WDR35: variants seen among roughly 807,000 people sequenced by gnomAD.
WDR35 encodes the protein WD repeat domain 35, also known as WD repeat-containing protein 35.
In WDR35, 118 loss-of-function variants were observed where a neutral mutation model predicts 158.3. The ratio of observed to expected loss-of-function variants is 0.75; its 90% CI spans 0.64 to 0.87. WDR35 has a LOEUF of 0.87. Ranked by LOEUF, WDR35 falls within the 40% of genes least tolerant of loss-of-function variation. The probability of loss-of-function intolerance (pLI) is 0.00; values close to 1 mark genes in which losing one functional copy is unlikely to be tolerated. For missense variants in WDR35, 1,263 were observed against 1,405.8 expected (o/e 0.90, Z 1.62); for synonymous variants, 448 against 476.1 (o/e 0.94, Z 0.77).
At position 19,934,751 on chromosome 2, in the gene WDR35, T is replaced by C. The variant is rs1670639453; in HGVS notation, c.2547+720A>G. On this transcript the variant is annotated intron_variant, in intron 21 of 26. Coordinates refer to ENST00000281405, the MANE Select transcript of WDR35 (RefSeq NM_020779.4). The surrounding 1 kb of genome is among the most constrained non-coding windows in gnomAD (Gnocchi z 4.6). ...CCATAGGATTGAAAATAAGGGTGAG[T>C]GAAAATACCATTATTACAGAGATAG... 6.6e-6 allele frequency among the ~76,000 whole-genome samples: 1 copy of C among 151,996 alleles called. No individual in the cohort carries two copies. The highest frequency in any genetic ancestry group is 6.6e-5 in the Admixed American group (1 of 15,254).
intron 7 of WDR35, among the ~76,000 whole-genome samples, chr2:19,974,030 C>G (rs1258393229): frequency 6.6e-6 from 1 of 151,724 alleles, no homozygotes. Context: ...CCTGGGAGGC[C>G]AAGGCTGCAG....
At chr2:19,932,611 T>A (rs1354244094) in intron 22 of WDR35, among the ~76,000 whole-genome samples, 164 bp from the exon 23 acceptor site, 1 of 152,198 alleles carries the variant, frequency 6.6e-6, no homozygotes, top group East Asian at 1.9e-4. Context: ...ATAAGTCCTA[T>A]AAGCATAAGT....
In WDR35 at chr2:19,914,185, T is replaced by C. The variant is rs1197019698; in HGVS notation, c.3214A>G (p.Thr1072Ala). ...LCACASRAFG[T>A]CSKAFIKLKS... Reference sequence around the variant, plus strand: ...AGTTTAATGAAAGCTTTTGAACAAGTCCCAAAGGCTCTGCTGGCGCATGCG... The same window carrying C: ...AGTTTAATGAAAGCTTTTGAACAAGCCCCAAAGGCTCTGCTGGCGCATGCG... Residue 1072 changes from threonine (T) to alanine (A), a missense_variant, in exon 26 of 27, where the codon ACT (threonine) becomes GCT (alanine). Transcript: ENST00000281405. The C allele has an allele frequency of 1.2e-6, 2 of 1,614,074 alleles. No individual in the cohort carries two copies. The highest frequency in any genetic ancestry group is 8.5e-7 in the Non-Finnish European group (1 of 1,180,020).
chr2:19,981,666 C>G lies in WDR35; in HGVS notation c.214+797G>C, dbSNP rs1572367979. Among the ~76,000 whole-genome samples the G allele has an allele frequency of 3.3e-5, 5 of 152,100 alleles. No homozygotes were observed. The South Asian group carries it at 1.0e-3, about 32-fold the overall frequency. ...CTGAGTACTGGGGACTACGGGCACA[C>G]AGCACCACGCCTGGTTAATTTTTTT... is the stretch of plus-strand genomic sequence containing the variant. On this transcript the variant is annotated intron_variant, in intron 3 of 26. Coordinates refer to ENST00000281405, the MANE Select transcript of WDR35 (RefSeq NM_020779.4).
At chr2:19,946,604 G>T in intron 14 of WDR35, 34 bp from the exon 15 acceptor site, 2 of 1,560,242 alleles carry the variant, frequency 1.3e-6, no homozygotes, top group Non-Finnish European at 1.8e-6. Flanking sequence ...TTAAGCATAC[G>T]TGTATCATAA....
At chr2:19,965,115 G>T (rs1307924031) in intron 10 of WDR35, among the ~76,000 whole-genome samples, 2 of 152,062 alleles carry the variant, frequency 1.3e-5, no homozygotes. Flanking sequence ...TAGAGACAGG[G>T]TTTCACCATG....
At position 19,930,296 on chromosome 2, in the gene WDR35, A is replaced by C. The variant is rs548305969; in HGVS notation, c.3121+100T>G. 88 of 1,541,888 alleles carry C rather than the reference A, an allele frequency of 5.7e-5. 2 individuals are homozygous for C. In the South Asian group the frequency reaches 9.4e-4, roughly 16 times the overall value. ...TAGGAAAATAAATCCATAGGAAAAA[A>C]TGTTATTGAAGGCCACATAAAGGCA... On this transcript the variant is annotated intron_variant, in intron 25 of 26. Coordinates refer to ENST00000281405, the MANE Select transcript of WDR35 (RefSeq NM_020779.4).
At chr2:19,977,124 C>A (rs987347521) in intron 5 of WDR35, among the ~76,000 whole-genome samples, 2 of 152,120 alleles carry the variant, frequency 1.3e-5, no homozygotes, top group Admixed American at 1.3e-4. Flanking sequence ...AAGCCACTGT[C>A]CCCAGCCTAA....
At chr2:19,923,324 G>A (rs549002227) in intron 25 of WDR35, among the ~76,000 whole-genome samples, 55 of 152,312 alleles carry the variant, frequency 3.6e-4, no homozygotes, top group Admixed American at 3.9e-4. Context: ...GTTGGAGAAC[G>A]TGGAACTAGC....
chr2:19,968,469 C>G (rs1393737383), intron 9 of WDR35, among the ~76,000 whole-genome samples: 1 of 152,158 alleles, frequency 6.6e-6, no homozygotes, highest in Admixed American at 6.5e-5. Context: ...CCATCTATAT[C>G]AGCATCAACT....
At chr2:19,983,630 C>A (rs1487555442) in intron 2 of WDR35, among the ~76,000 whole-genome samples, 1 of 151,920 alleles carries the variant, frequency 6.6e-6, no homozygotes, top group Admixed American at 6.6e-5. Context: ...GGAATTATAC[C>A]AATGCTAAAG....
At chr2:19,987,433 C>G (rs1672604389) in intron 2 of WDR35, among the ~76,000 whole-genome samples, 2 of 152,122 alleles carry the variant, frequency 1.3e-5, no homozygotes, top group Non-Finnish European at 2.9e-5. Flanking sequence ...AAAGAATACT[C>G]CAGTCACAGC....
chr2:19,946,394 A>G (rs1187460936), intron 15 of WDR35, 67 bp downstream of exon 15: 17 of 1,314,776 alleles, frequency 1.3e-5, no homozygotes, highest in African/African-American at 4.4e-5. Context: ...TATTACATAT[A>G]AATCTAACAA....
At position 19,913,568 on chromosome 2, in the gene WDR35, G is replaced by A. The variant is rs1173041141; in HGVS notation, c.3503C>T (p.Pro1168Leu). 6.2e-7 allele frequency: 1 copy of A among 1,613,758 alleles called. No individual in the cohort carries two copies. The highest frequency in any genetic ancestry group is 8.5e-7 in the Non-Finnish European group (1 of 1,179,940). The change falls in exon 27 of 27, where the codon CCA becomes CTA. Residue 1168 changes from proline to leucine, a missense_variant. Physicochemically the swap from Pro to Leu is moderately conservative, Grantham distance 98. Coordinates refer to ENST00000281405, the MANE Select transcript of WDR35 (RefSeq NM_020779.4). ...HYSFCPLCHS[P>L]VG is the part of the protein sequence containing the mutation. The stretch of plus-strand genomic sequence containing the variant: ...CAGTTTATCATTCCTTTATCCCACT[G>A]GACTATGGCATAAGGGGCAGAAGCT...
At position 19,933,644 on chromosome 2, in the gene WDR35, G is replaced by T. The variant is rs545649881; in HGVS notation, c.2548-133C>A. ...TTACAGATTTTTCTTGTAAACAGACGCAAGGGCAGAGGGTACAAATGAGAA... is the reference window on the plus strand; with the variant it reads ...TTACAGATTTTTCTTGTAAACAGACTCAAGGGCAGAGGGTACAAATGAGAA... On this transcript the variant is annotated intron_variant, in intron 21 of 26. Transcript: ENST00000281405. The T allele has an allele frequency of 8.1e-6, 6 of 742,072 alleles. No homozygotes were observed. The East Asian group carries it at 8.1e-5, about 10-fold the overall frequency. 46.0% of individuals were successfully genotyped at this position (742,072 alleles called of 1,614,324 possible).
intron 10 of WDR35, 137 bp downstream of exon 10, chr2:19,966,587 A>T (rs1671860468): frequency 2.1e-6 from 2 of 954,704 alleles, no homozygotes; most frequent in East Asian, 5.0e-5. Flanking sequence ...GTTTTCCAAA[A>T]TTGGTCTAGA....
chr2:19,985,902 A>G (rs1221911501), intron 2 of WDR35, among the ~76,000 whole-genome samples: 28 of 86,188 alleles, frequency 3.2e-4, no homozygotes, highest in Admixed American at 2.9e-3. Context: ...ATCTCGGGAA[A>G]AAAAAAAAAA....
intron 25 of WDR35, among the ~76,000 whole-genome samples, chr2:19,921,652 C>T (rs183502008): frequency 1.3e-5 from 2 of 152,296 alleles, no homozygotes; most frequent in East Asian, 1.9e-4. Flanking sequence ...CAATACCATT[C>T]AGGACATAGG....
At chr2:19,950,498 C>T (rs1377737841) in intron 13 of WDR35, among the ~76,000 whole-genome samples, 2 of 152,042 alleles carry the variant, frequency 1.3e-5, no homozygotes, top group African/African-American at 2.4e-5. Flanking sequence ...ACAATGGAAA[C>T]TTCTGTTGTT....
Sources: gnomAD v4.1 joint callset for allele counts (sites outside exome capture counted in the v4.1 genomes callset) on GRCh38, gnomAD v4.1.1 for gene constraint, Gnocchi (gnomAD v3.1) non-coding constraint, MANE v1.5 for transcripts, NCBI Gene and HGNC (gene_info 2026-07-23, HGNC 2026-07-21) for gene names.